PCDH9: variants seen among roughly 807,000 people sequenced by gnomAD.
PCDH9 encodes the protein protocadherin-9.
Under a neutral mutation model 70.6 loss-of-function variants are expected in PCDH9, and 24 were observed. The observed-to-expected ratio is 0.34, with a 90% CI of 0.25 to 0.48. The LOEUF is 0.48. Among genes scored for constraint, PCDH9 ranks in the 20% least tolerant of loss-of-function variants. The pLI is 0.99. For synonymous variants in PCDH9, 562 were observed against 558.5 expected, an observed-to-expected ratio of 1.01 and a Z score of -0.09; for missense variants, 1,281 against 1,503.6, an observed-to-expected ratio of 0.85 and a Z score of 2.45.
intron 4 of PCDH9, among the ~76,000 whole-genome samples, chr13:66,567,065 A>T (rs946323966): frequency 2.0e-5 from 3 of 152,146 alleles, no homozygotes; most frequent in Non-Finnish European, 4.4e-5. Flanking sequence ...TTTAAAAAAA[A>T]AATCCTTAAA....
At chr13:66,355,031 G>T (rs1956356614) in intron 4 of PCDH9, among the ~76,000 whole-genome samples, 1 of 152,122 alleles carries the variant, frequency 6.6e-6, no homozygotes, top group South Asian at 2.1e-4. Context: ...TGTTAATGCT[G>T]CCGGTCGGTC....
intron 3 of PCDH9, among the ~76,000 whole-genome samples, chr13:66,668,073 G>A (rs184438542): frequency 6.6e-6 from 1 of 152,116 alleles, no homozygotes; most frequent in Admixed American, 6.6e-5. Flanking sequence ...TCAGGAGCTT[G>A]GGAATTACTT....
intron 2 of PCDH9, among the ~76,000 whole-genome samples, chr13:66,933,031 G>A (rs9317625): frequency 0.6 from 90,249 of 151,320 alleles, 27,144 homozygotes; most frequent in African/African-American, 0.7. Context: ...CCATATTTAA[G>A]TTATAGAGTA....
chr13:66,848,194 T>G (rs1018563519), intron 3 of PCDH9, among the ~76,000 whole-genome samples: 1 of 152,160 alleles, frequency 6.6e-6, no homozygotes, highest in African/African-American at 2.4e-5. Flanking sequence ...TTTGCTATAT[T>G]AGAAGAGAAT....
In PCDH9 at chr13:66,663,691, A is replaced by G. The variant is rs140188588; in HGVS notation, c.3139-32280T>C. On this transcript the variant is annotated intron_variant, in intron 3 of 4. Coordinates refer to ENST00000377865, the MANE Select transcript of PCDH9 (RefSeq NM_203487.3). ...GAGATTCTCGATATAAAAATTAGTT[A>G]ATCTTTATAAAAATCGAAATATCCT... Among the ~76,000 whole-genome samples the G allele has an allele frequency of 2.8e-3, 432 of 152,342 alleles. 1 individual carries two copies. The highest frequency in any genetic ancestry group is 9.8e-3 in the African/African-American group (407 of 41,586).
chr13:66,775,126 T>C (rs924758694), intron 3 of PCDH9, among the ~76,000 whole-genome samples: 3 of 152,238 alleles, frequency 2.0e-5, no homozygotes, highest in African/African-American at 7.2e-5. Flanking sequence ...GTGTTTCTTT[T>C]AAAAATGACA....
intron 2 of PCDH9, among the ~76,000 whole-genome samples, chr13:66,961,618 T>A (rs1315188081): frequency 6.7e-6 from 1 of 149,790 alleles, no homozygotes; most frequent in Non-Finnish European, 1.5e-5. Flanking sequence ...ACATAGTGAG[T>A]CCCCATCTCC....
intron 3 of PCDH9, among the ~76,000 whole-genome samples, chr13:66,738,085 T>G (rs1412686961): frequency 1.3e-5 from 2 of 152,126 alleles, no homozygotes; most frequent in Non-Finnish European, 2.9e-5. Context: ...TCTGCAGACT[T>G]AAATGTCCCT....
chr13:67,163,177 C>T (rs1025444208), intron 2 of PCDH9, among the ~76,000 whole-genome samples: 2 of 152,176 alleles, frequency 1.3e-5, no homozygotes, highest in Non-Finnish European at 2.9e-5. Context: ...GAAGCCCACA[C>T]AGATCTCACC....
chr13:66,582,732 T>A (rs984298713), intron 4 of PCDH9, among the ~76,000 whole-genome samples: 1 of 152,222 alleles, frequency 6.6e-6, no homozygotes, highest in Non-Finnish European at 1.5e-5. Flanking sequence ...TTTCTTTATA[T>A]GAAAGATATC....
intron 2 of PCDH9, among the ~76,000 whole-genome samples, chr13:67,147,708 A>G (rs1034465381): frequency 6.6e-6 from 1 of 152,218 alleles, no homozygotes; most frequent in Non-Finnish European, 1.5e-5. Flanking sequence ...TCCATAGCCA[A>G]AATTGTTTCT....
chr13:66,524,422 T>C (rs1960128852), intron 4 of PCDH9, among the ~76,000 whole-genome samples: 1 of 152,050 alleles, frequency 6.6e-6, no homozygotes, highest in African/African-American at 2.4e-5. Flanking sequence ...CTTGTTAATA[T>C]TGTGTACTGA....
intron 3 of PCDH9, among the ~76,000 whole-genome samples, chr13:66,746,206 A>G (rs560439424): frequency 3.9e-5 from 6 of 152,202 alleles, no homozygotes; most frequent in Non-Finnish European, 1.5e-5. Context: ...CCTTTTACTT[A>G]CACCATCTAA....
chr13:67,205,969 G>T (rs1024273480), intron 2 of PCDH9: 11 of 152,014 alleles, frequency 7.2e-5, no homozygotes, highest in Non-Finnish European at 1.5e-4. Context: ...TTTAGACAGG[G>T]TCTTGCTCTA....
At chr13:66,485,929 T>C (rs187659921) in intron 4 of PCDH9, among the ~76,000 whole-genome samples, 5 of 152,076 alleles carry the variant, frequency 3.3e-5, no homozygotes, top group Admixed American at 6.5e-5. Flanking sequence ...GGTTTCACCA[T>C]GTTGGCCACG....
chr13:66,479,720 A>G (rs1272212375), intron 4 of PCDH9, among the ~76,000 whole-genome samples: 2 of 152,234 alleles, frequency 1.3e-5, no homozygotes, highest in African/African-American at 2.4e-5. Context: ...AAATTCACCA[A>G]TCAGCACTCT....
chr13:66,939,043 C>T (rs2139678947), intron 2 of PCDH9, among the ~76,000 whole-genome samples: 1 of 151,876 alleles, frequency 6.6e-6, no homozygotes, highest in African/African-American at 2.4e-5. Context: ...GATGGGTTAA[C>T]TACTCTAAGA....
intron 2 of PCDH9, among the ~76,000 whole-genome samples, chr13:66,973,329 C>A (rs942491937): frequency 6.6e-6 from 1 of 151,802 alleles, no homozygotes; most frequent in Non-Finnish European, 1.5e-5. Context: ...TTTTTTTAAT[C>A]CTTTCTAGTA....
At chr13:66,546,872 A>C (rs781141975) in intron 4 of PCDH9, among the ~76,000 whole-genome samples, 5 of 152,286 alleles carry the variant, frequency 3.3e-5, no homozygotes, top group Non-Finnish European at 7.3e-5. Flanking sequence ...TCATTATGTT[A>C]TAATTGCACT....
Sources: allele counts gnomAD v4.1 joint callset (sites outside exome capture counted in the v4.1 genomes callset), GRCh38; gene constraint gnomAD v4.1.1; transcripts MANE v1.5; gene names NCBI Gene and HGNC (gene_info 2026-07-23, HGNC 2026-07-21).